The following CFAP144 variants were observed in gnomAD, a reference collection of about 807,000 sequenced individuals.
CFAP144 encodes the protein cilia and flagella associated protein 144, also known as cilia- and flagella-associated protein 144.
At chr1:43,150,360 C>T in the CFAP144 span, among the ~76,000 whole-genome samples, 1 of 152,180 alleles carries the variant, frequency 6.6e-6, no homozygotes, top group Non-Finnish European at 1.5e-5. Flanking sequence ...TGGCCTTCCC[C>T]ATAGGCCAGC....
chr1:43,153,700 A>T, the CFAP144 span, among the ~76,000 whole-genome samples: 1 of 151,558 alleles, frequency 6.6e-6, no homozygotes, highest in Non-Finnish European at 1.5e-5. Context: ...AAAAAAGCAT[A>T]AAAAATGGAC....
the CFAP144 span, among the ~76,000 whole-genome samples, chr1:43,153,464 G>T: frequency 2.6e-5 from 4 of 151,980 alleles, no homozygotes; most frequent in Non-Finnish European, 5.9e-5. Flanking sequence ...ACAAAAATTA[G>T]CTGGGCATGG....
the CFAP144 span, among the ~76,000 whole-genome samples, chr1:43,150,445 C>T: frequency 6.6e-6 from 1 of 152,198 alleles, no homozygotes. Flanking sequence ...CCATTAACCG[C>T]CTGCAGCTAT....
At chr1:43,147,828 G>A in the CFAP144 span, 3 of 1,524,252 alleles carry the variant, frequency 2.0e-6, no homozygotes, top group African/African-American at 2.8e-5. Flanking sequence ...CGCCCCGACC[G>A]GGCAGCACTA....
chr1:43,145,239 T>G, the CFAP144 span: 648,262 of 1,543,568 alleles, frequency 0.42, 143,400 homozygotes, highest in African/African-American at 0.79. Context: ...TGCAGGGCCA[T>G]TGACAGAGAA....
chr1:43,151,786 C>T, the CFAP144 span, among the ~76,000 whole-genome samples: 1 of 152,096 alleles, frequency 6.6e-6, no homozygotes. Flanking sequence ...GGAGCAGAGG[C>T]TCTCAGAGCA....
At chr1:43,152,794 C>A in the CFAP144 span, 1 of 1,567,682 alleles carries the variant, frequency 6.4e-7, no homozygotes, top group South Asian at 1.2e-5. Flanking sequence ...GTCCCAAAGC[C>A]TGACTCCTTC....
chr1:43,153,318 A>G, the CFAP144 span, among the ~76,000 whole-genome samples: 6 of 152,188 alleles, frequency 3.9e-5, no homozygotes, highest in Admixed American at 6.5e-5. Flanking sequence ...TCCATAAAAA[A>G]TGGACATGTG....
the CFAP144 span, among the ~76,000 whole-genome samples, chr1:43,146,286 T>C: frequency 1.3e-5 from 2 of 152,326 alleles, no homozygotes; most frequent in South Asian, 4.1e-4. Context: ...ATTGACAAAT[T>C]GGATATACTG....
the CFAP144 span, chr1:43,145,113 C>CT: frequency 7.7e-4 from 522 of 675,132 alleles, 1 homozygote; most frequent in East Asian, 7.7e-3. Context: ...CAGAGATTTC[C>CT]TTTTTTTTGA....
chr1:43,143,155 G>A, the CFAP144 span, among the ~76,000 whole-genome samples: 29 of 152,234 alleles, frequency 1.9e-4, no homozygotes, highest in South Asian at 1.9e-3. Flanking sequence ...TTAGTAAGAA[G>A]AGAGGAATAA....
At chr1:43,145,111 T>G in the CFAP144 span, 1 of 671,150 alleles carries the variant, frequency 1.5e-6, no homozygotes, top group Non-Finnish European at 2.7e-6. Context: ...GCCAGAGATT[T>G]CCTTTTTTTT....
chr1:43,152,750 G>A, the CFAP144 span: 3 of 1,425,814 alleles, frequency 2.1e-6, no homozygotes, highest in Non-Finnish European at 2.8e-6. Context: ...AAGGAACAAT[G>A]TGGACGCAGG....
At chr1:43,155,595 A>G in the CFAP144 span, among the ~76,000 whole-genome samples, 1 of 152,238 alleles carries the variant, frequency 6.6e-6, no homozygotes, top group African/African-American at 2.4e-5. Context: ...CATGAGATGC[A>G]GGTGTTGTGT....
At chr1:43,151,349 C>G in the CFAP144 span, among the ~76,000 whole-genome samples, 3 of 152,144 alleles carry the variant, frequency 2.0e-5, no homozygotes, top group Non-Finnish European at 4.4e-5. Flanking sequence ...TAGGTAATCT[C>G]TATGGTGGGG....
At chr1:43,146,028 T>C in the CFAP144 span, among the ~76,000 whole-genome samples, 4 of 152,188 alleles carry the variant, frequency 2.6e-5, no homozygotes, top group Non-Finnish European at 5.9e-5. Flanking sequence ...GATACTCCTT[T>C]GGAAAGAAAA....
At chr1:43,147,632 G>C in the CFAP144 span, among the ~76,000 whole-genome samples, 1 of 152,224 alleles carries the variant, frequency 6.6e-6, no homozygotes, top group South Asian at 2.1e-4. Context: ...TACCTCCTGG[G>C]TCTGCCCCTT....
the CFAP144 span, chr1:43,156,101 A>G: frequency 4.5e-6 from 4 of 887,114 alleles, no homozygotes; most frequent in African/African-American, 6.6e-5. Flanking sequence ...ATGCAGCCAC[A>G]GGCTGGGAGG....
chr1:43,147,878 C>T, the CFAP144 span: 4 of 1,582,222 alleles, frequency 2.5e-6, no homozygotes, highest in African/African-American at 4.1e-5. Context: ...ACGCCGTTGC[C>T]TGGAGACAGC....
Sources: gnomAD v4.1 joint callset for allele counts (sites outside exome capture counted in the v4.1 genomes callset) on GRCh38, gnomAD v4.1.1 for gene constraint, MANE v1.5 for transcripts, NCBI Gene and HGNC (gene_info 2026-07-23, HGNC 2026-07-21) for gene names.